CAPS2: variants seen among roughly 807,000 people sequenced by gnomAD.
CAPS2 encodes the protein calcyphosine 2.
CAPS2 carries 98 observed loss-of-function variants against 86.5 expected under a neutral mutation model. The observed-to-expected ratio is 1.13, with a 90% CI of 0.96 to 1.34. CAPS2 has a LOEUF of 1.34. CAPS2 is among the 40% of genes most tolerant of loss of function. The pLI is 0.00. For synonymous variants in CAPS2, 210 were observed against 225.1 expected, an observed-to-expected ratio of 0.93 and a Z score of 0.60; for missense variants, 729 against 686.8, an observed-to-expected ratio of 1.06 and a Z score of -0.69.
intron 1 of CAPS2, among the ~76,000 whole-genome samples, chr12:75,359,603 C>A (rs2043427096): frequency 6.6e-6 from 1 of 151,538 alleles, no homozygotes; most frequent in African/African-American, 2.4e-5. Context: ...TAAAATATTC[C>A]CAACATTGTG....
At chr12:75,338,366 A>G (rs1485404028) in intron 1 of CAPS2, among the ~76,000 whole-genome samples, 1 of 152,202 alleles carries the variant, frequency 6.6e-6, no homozygotes, top group Non-Finnish European at 1.5e-5. Context: ...AAAATCTGTG[A>G]GAAATCTGAC....
At chr12:75,366,977 C>T (rs1317215152) in intron 1 of CAPS2, 1 of 701,696 alleles carries the variant, frequency 1.4e-6, no homozygotes, top group African/African-American at 1.7e-5. Flanking sequence ...TTGCAGCTTG[C>T]AGTAACAAAA....
At chr12:75,296,378 G>A (rs1269900069) in intron 11 of CAPS2, among the ~76,000 whole-genome samples, 6 of 151,668 alleles carry the variant, frequency 4.0e-5, no homozygotes, top group African/African-American at 4.9e-5. Context: ...TGCAAGCTCC[G>A]CCTCCTGGGT....
At chr12:75,350,929 G>A (rs982054432) in intron 1 of CAPS2, among the ~76,000 whole-genome samples, 1 of 152,148 alleles carries the variant, frequency 6.6e-6, no homozygotes, top group African/African-American at 2.4e-5. Context: ...CTAACACATT[G>A]CGAAGAAGCT....
chr12:75,354,729 A>G (rs1212556810), intron 1 of CAPS2, among the ~76,000 whole-genome samples: 1 of 152,234 alleles, frequency 6.6e-6, no homozygotes, highest in Non-Finnish European at 1.5e-5. Flanking sequence ...ACTTCAAACT[A>G]CACTACAAGG....
At chr12:75,386,329 T>G (rs1300156241) in intron 1 of CAPS2, among the ~76,000 whole-genome samples, 2 of 152,182 alleles carry the variant, frequency 1.3e-5, no homozygotes, top group Non-Finnish European at 2.9e-5. Context: ...TAATTTATTT[T>G]AAAAAAAGAT....
chr12:75,382,506 G>A (rs1184204830), intron 1 of CAPS2, among the ~76,000 whole-genome samples: 1 of 151,992 alleles, frequency 6.6e-6, no homozygotes, highest in African/African-American at 2.4e-5. Flanking sequence ...TGGGTGTGGT[G>A]GTGCATGCCT....
intron 1 of CAPS2, among the ~76,000 whole-genome samples, chr12:75,383,351 T>G (rs1372411773): frequency 1.3e-5 from 2 of 152,188 alleles, no homozygotes; most frequent in African/African-American, 4.8e-5. Flanking sequence ...AAAATCTAGC[T>G]TTACAACACT....
At position 75,389,678 on chromosome 12, in the gene CAPS2, T is replaced by A. The variant is rs901304899; in HGVS notation, c.-395+1160A>T. Among the ~76,000 whole-genome samples, 4 of 152,332 alleles carry A rather than the reference T, an allele frequency of 2.6e-5. No individual in the cohort carries two copies. In the East Asian group the frequency reaches 7.7e-4, roughly 29 times the overall value. Reference sequence around the variant, plus strand: ...AGGATCTTCCTCTCCTTAGGCACATTACATGCTTTTCCCTTTGTTTAGAAT... The same window carrying A: ...AGGATCTTCCTCTCCTTAGGCACATAACATGCTTTTCCCTTTGTTTAGAAT... On this transcript the variant is annotated intron_variant, in intron 1 of 5. Transcript: ENST00000551829.
chr12:75,367,106 T>C (rs987237122), intron 1 of CAPS2: 18 of 689,510 alleles, frequency 2.6e-5, no homozygotes, highest in African/African-American at 1.2e-4. Context: ...GGAGAAAACG[T>C]AATGGAGAAG....
Position 75,326,404 on chromosome 12 carries a change from T to C in CAPS2, c.81+14A>G, listed in dbSNP as rs1268751039. 8.9e-7 allele frequency: 1 copy of C among 1,122,644 alleles called. No individual in the cohort carries two copies. The highest frequency in any genetic ancestry group is 1.3e-6 in the Non-Finnish European group (1 of 770,118). 69.5% of individuals were successfully genotyped at this position (1,122,644 alleles called of 1,614,324 possible). The stretch of plus-strand genomic sequence containing the variant: ...GTCATCCTGAAAGAAGAAAATTATA[T>C]AGAGCTCACATACTTGTAGAGGCTT... On this transcript the variant is annotated intron_variant, in intron 1 of 16. Transcript: ENST00000393284.
chr12:75,370,140 A>G, intron 1 of CAPS2: 1 of 1,602,600 alleles, frequency 6.2e-7, no homozygotes, highest in Non-Finnish European at 8.5e-7. Context: ...CCTTTAATCC[A>G]TTCAGCTTAG....
chr12:75,307,830 A>C (rs1447128521), intron 7 of CAPS2, among the ~76,000 whole-genome samples: 2 of 152,196 alleles, frequency 1.3e-5, no homozygotes, highest in African/African-American at 4.8e-5. Context: ...AACAATGTGA[A>C]ATGAGATTCA....
upstream of CAPS2, among the ~76,000 whole-genome samples, chr12:75,331,376 A>C (rs1483254603): frequency 6.6e-6 from 1 of 152,192 alleles, no homozygotes; most frequent in Non-Finnish European, 1.5e-5. Flanking sequence ...CCTGGTGCAA[A>C]TTTGGGAGTA....
chr12:75,282,642 C>T (rs2034182275), intron 15 of CAPS2, among the ~76,000 whole-genome samples: 1 of 152,162 alleles, frequency 6.6e-6, no homozygotes, highest in Non-Finnish European at 1.5e-5. Context: ...CCGCCTCGGC[C>T]TCCCAAAGTA....
At chr12:75,317,085 T>C (rs2039851380) in intron 5 of CAPS2, among the ~76,000 whole-genome samples, 1 of 152,176 alleles carries the variant, frequency 6.6e-6, no homozygotes, top group Non-Finnish European at 1.5e-5. Flanking sequence ...ATCTTAATAC[T>C]CCTCTCTGTC....
chr12:75,329,910 C>G (rs372363299), upstream of CAPS2: 3 of 1,520,784 alleles, frequency 2.0e-6, no homozygotes, highest in African/African-American at 1.4e-5. Flanking sequence ...GCACAAGAGA[C>G]AGTCAGCCTG....
intron 1 of CAPS2, among the ~76,000 whole-genome samples, chr12:75,385,516 G>A (rs532953487): frequency 2.6e-5 from 4 of 152,210 alleles, no homozygotes; most frequent in Non-Finnish European, 5.9e-5. Flanking sequence ...ACTTAATGAT[G>A]AGAAACAGGA....
chr12:75,343,443 A>T (rs558287837), intron 1 of CAPS2, among the ~76,000 whole-genome samples: 3 of 152,070 alleles, frequency 2.0e-5, no homozygotes, highest in Admixed American at 2.0e-4. Flanking sequence ...TTGTTTAGTG[A>T]CTCTAATGTA....
Sources: gnomAD v4.1 joint callset for allele counts (sites outside exome capture counted in the v4.1 genomes callset) on GRCh38, gnomAD v4.1.1 for gene constraint, MANE v1.5 for transcripts, NCBI Gene and HGNC (gene_info 2026-07-23, HGNC 2026-07-21) for gene names.